The following NTM variants were observed in gnomAD, a reference collection of about 807,000 sequenced individuals.
NTM encodes the protein IgLON family member 2.
NTM carries 13 observed loss-of-function variants against 42.1 expected under a neutral mutation model. The ratio of observed to expected loss-of-function variants is 0.31; its 90% CI spans 0.20 to 0.49. NTM has a LOEUF of 0.49. Among genes scored for constraint, NTM ranks in the 20% least tolerant of loss-of-function variants. The pLI, the probability that NTM is intolerant of heterozygous loss-of-function variation, is 0.99. For synonymous variants in NTM, 187 were observed against 179.2 expected (o/e 1.04, Z -0.35); for missense variants, 373 against 452.8 (o/e 0.82, Z 1.60).
chr11:131,867,428 A>C (rs1025049264), intron 1 of NTM, among the ~76,000 whole-genome samples: 4 of 151,400 alleles, frequency 2.6e-5, no homozygotes, highest in African/African-American at 9.7e-5. Context: ...TGTGTGTATC[A>C]GTGTGAATAA....
intron 3 of NTM, among the ~76,000 whole-genome samples, chr11:132,180,049 C>A (rs1418717336): frequency 1.3e-5 from 2 of 152,254 alleles, no homozygotes; most frequent in African/African-American, 2.4e-5. Flanking sequence ...TTTCTTAAAT[C>A]TCTTTAAAGG....
chr11:132,158,725 G>A (rs182481488), intron 3 of NTM, among the ~76,000 whole-genome samples: 30 of 152,348 alleles, frequency 2.0e-4, no homozygotes, highest in African/African-American at 6.3e-4. Flanking sequence ...GTGAGAGCAT[G>A]AACTTCTCTG....
At chr11:131,677,061 A>G (rs1016930960) in intron 1 of NTM, among the ~76,000 whole-genome samples, 3 of 152,218 alleles carry the variant, frequency 2.0e-5, no homozygotes, top group African/African-American at 2.4e-5. Flanking sequence ...CCAAATCACC[A>G]GCAGCTAGAT....
intron 4 of NTM, among the ~76,000 whole-genome samples, chr11:132,228,157 G>A (rs1300170285): frequency 7.9e-5 from 12 of 152,164 alleles, no homozygotes; most frequent in African/African-American, 1.9e-4. Context: ...GCAACCCAAC[G>A]CCACAGAAAT....
chr11:132,314,165 A>G (rs948975198), intron 6 of NTM, among the ~76,000 whole-genome samples: 4 of 151,496 alleles, frequency 2.6e-5, no homozygotes, highest in African/African-American at 7.3e-5. Context: ...CATGGTTGTC[A>G]TCATCACCAT....
intron 2 of NTM, among the ~76,000 whole-genome samples, chr11:132,104,699 C>T (rs1034984462): frequency 8.7e-5 from 13 of 150,174 alleles, no homozygotes; most frequent in Admixed American, 5.3e-4. Flanking sequence ...TGTATGAGAC[C>T]GGCCTGGGCA....
chr11:132,241,837 T>C (rs1319749132), intron 4 of NTM, among the ~76,000 whole-genome samples: 1 of 152,228 alleles, frequency 6.6e-6, no homozygotes, highest in Non-Finnish European at 1.5e-5. Flanking sequence ...TTATAGTACA[T>C]TCATCAAGCC....
intron 2 of NTM, among the ~76,000 whole-genome samples, chr11:132,108,164 T>G (rs1344997366): frequency 6.6e-6 from 1 of 152,194 alleles, no homozygotes; most frequent in Non-Finnish European, 1.5e-5. Flanking sequence ...TTCTAATCGA[T>G]TCACACATTT....
intron 1 of NTM, among the ~76,000 whole-genome samples, chr11:131,614,159 G>C: frequency 6.6e-6 from 1 of 152,156 alleles, no homozygotes; most frequent in South Asian, 2.1e-4. Context: ...AGACTTTAAG[G>C]AGCTGCCTCC....
chr11:131,617,826 C>T (rs969884500), intron 1 of NTM, among the ~76,000 whole-genome samples: 2 of 152,060 alleles, frequency 1.3e-5, no homozygotes, highest in African/African-American at 4.8e-5. Flanking sequence ...GCAAAGACAA[C>T]CAGAAGCCTT....
intron 1 of NTM, among the ~76,000 whole-genome samples, chr11:131,519,522 G>T (rs2049331471): frequency 6.9e-6 from 1 of 144,988 alleles, no homozygotes; most frequent in Non-Finnish European, 1.5e-5. Flanking sequence ...AGTTAGTTAT[G>T]ACCAACCCAA....
intron 1 of NTM, among the ~76,000 whole-genome samples, chr11:131,452,600 G>A (rs968468105): frequency 6.6e-6 from 1 of 152,152 alleles, no homozygotes; most frequent in Non-Finnish European, 1.5e-5. Context: ...CATGACAGGT[G>A]CTTTGTTTGG....
intron 2 of NTM, among the ~76,000 whole-genome samples, chr11:131,921,629 T>C (rs1183771087): frequency 2.0e-5 from 3 of 152,170 alleles, no homozygotes; most frequent in Non-Finnish European, 2.9e-5. Flanking sequence ...ATAGTAACAA[T>C]CTTGCAAAGG....
intron 2 of NTM, among the ~76,000 whole-genome samples, chr11:131,943,789 A>G (rs1481524043): frequency 6.6e-6 from 1 of 152,214 alleles, no homozygotes; most frequent in African/African-American, 2.4e-5. Context: ...AGCCAAGAAT[A>G]TTCTTCAAAA....
At chr11:132,111,253 G>A (rs996139325) in intron 2 of NTM, among the ~76,000 whole-genome samples, 1 of 151,108 alleles carries the variant, frequency 6.6e-6, no homozygotes. Flanking sequence ...TTTGTGTTGT[G>A]TGTGTATTTA....
At chr11:132,110,693 A>G (rs764207896) in intron 2 of NTM, among the ~76,000 whole-genome samples, 7 of 152,076 alleles carry the variant, frequency 4.6e-5, no homozygotes, top group Non-Finnish European at 8.8e-5. Flanking sequence ...TTTTTATTGA[A>G]CTTCTCTATT....
chr11:131,879,989 C>A (rs2049209294), intron 1 of NTM, among the ~76,000 whole-genome samples: 1 of 152,176 alleles, frequency 6.6e-6, no homozygotes, highest in Non-Finnish European at 1.5e-5. Flanking sequence ...TCAAGGATTA[C>A]AATAGATTTT....
intron 3 of NTM, among the ~76,000 whole-genome samples, chr11:132,188,525 A>G (rs1318784496): frequency 1.3e-5 from 2 of 152,178 alleles, no homozygotes; most frequent in Non-Finnish European, 2.9e-5. Context: ...GCCGGTCTCT[A>G]AACACTTTAG....
At chr11:131,513,591 G>C (rs2048526813) in intron 1 of NTM, among the ~76,000 whole-genome samples, 2 of 152,214 alleles carry the variant, frequency 1.3e-5, no homozygotes, top group South Asian at 4.1e-4. Flanking sequence ...CAGATACAGG[G>C]AAGACAGAAT....
Sources: allele counts gnomAD v4.1 joint callset (sites outside exome capture counted in the v4.1 genomes callset), GRCh38; gene constraint gnomAD v4.1.1; transcripts MANE v1.5; gene names NCBI Gene and HGNC (gene_info 2026-07-23, HGNC 2026-07-21).